Variants in SHLD1 observed in about 807,000 individuals in gnomAD.
SHLD1 encodes the protein RINN1-REV7-interacting novel NHEJ regulator 3.
SHLD1 carries 3 observed loss-of-function variants against 5.5 expected under a neutral mutation model. The observed-to-expected ratio is 0.54, with a 90% CI of 0.25 to 1.40. The LOEUF is 1.40. Among genes scored for constraint, SHLD1 ranks in the 40% most tolerant of loss-of-function variants. SHLD1 has a pLI of 0.15. For missense variants in SHLD1, 210 were observed against 244.4 expected (o/e 0.86, Z 0.94); for synonymous variants, 92 against 94.3 (o/e 0.98, Z 0.14).
chr20:5,801,976 T>C (rs1383985119), intron 2 of SHLD1, among the ~76,000 whole-genome samples: 1 of 152,216 alleles, frequency 6.6e-6, no homozygotes, highest in Non-Finnish European at 1.5e-5. Context: ...TGGGTACTCA[T>C]TGAATTGAAT....
At chr20:5,752,917 A>G (rs950090841) in intron 1 of SHLD1, among the ~76,000 whole-genome samples, 1 of 152,024 alleles carries the variant, frequency 6.6e-6, no homozygotes. Context: ...GCCTCAGCCT[A>G]CGGCGTAGCT....
chr20:5,801,079 T>A (rs1437269436), intron 2 of SHLD1, among the ~76,000 whole-genome samples: 6 of 147,044 alleles, frequency 4.1e-5, no homozygotes, highest in Non-Finnish European at 8.8e-5. Flanking sequence ...ATCTTTTTTT[T>A]TTTTTTTTTC....
rs149711205 is a variant in SHLD1 at position 5,839,915 on chromosome 20, G to A, written c.179-23109G>A. Among the ~76,000 whole-genome samples, 203 of 152,286 alleles carry A rather than the reference G, an allele frequency of 1.3e-3. 1 individual carries two copies. Among genetic ancestry groups the A allele is most frequent in the African/African-American group, 4.8e-3 (200 of 41,562 alleles). ...GAAGAACCTTTTTCAGGTTGTCCCT[G>A]CGCCCCCACAATACTTGAGAACACT... is the stretch of plus-strand genomic sequence containing the variant. On this transcript the variant is annotated intron_variant, in intron 2 of 2. Coordinates refer to ENST00000303142, the MANE Select transcript of SHLD1 (RefSeq NM_152504.4).
At chr20:5,756,630 T>G (rs1165316457) in intron 1 of SHLD1, 1 of 168,682 alleles carries the variant, frequency 5.9e-6, no homozygotes, top group Non-Finnish European at 1.3e-5. Context: ...TTAACTTTAT[T>G]CATTCTATAA....
At chr20:5,807,539 T>G (rs2087396689) in intron 2 of SHLD1, among the ~76,000 whole-genome samples, 2 of 152,052 alleles carry the variant, frequency 1.3e-5, no homozygotes, top group Admixed American at 1.3e-4. Flanking sequence ...CTTGGCTAAG[T>G]TTTTACATTT....
chr20:5,825,206 A>T (rs1393434503), intron 2 of SHLD1, among the ~76,000 whole-genome samples: 1 of 152,230 alleles, frequency 6.6e-6, no homozygotes, highest in East Asian at 1.9e-4. Context: ...AGCTTCAGAA[A>T]TGGACCATTC....
intron 2 of SHLD1, among the ~76,000 whole-genome samples, chr20:5,860,876 TAAA>T (rs10555301): frequency 1.4e-3 from 144 of 100,708 alleles, no homozygotes; most frequent in African/African-American, 5.0e-3. Context: ...TACTATTCTT[TAAA>T]AAAAAAAAAA....
intron 1 of SHLD1, among the ~76,000 whole-genome samples, chr20:5,757,296 C>G (rs940147859): frequency 1.3e-5 from 2 of 151,616 alleles, no homozygotes; most frequent in East Asian, 3.9e-4. Flanking sequence ...AGGCTGGTCT[C>G]GAATTCCTGG....
chr20:5,762,710 C>T (rs1286939170), intron 1 of SHLD1, among the ~76,000 whole-genome samples: 1 of 152,014 alleles, frequency 6.6e-6, no homozygotes, highest in Non-Finnish European at 1.5e-5. Context: ...CGTGGTGGCT[C>T]ACGTCTGTAA....
At chr20:5,762,726 G>A (rs1984534105) in intron 1 of SHLD1, among the ~76,000 whole-genome samples, 1 of 152,044 alleles carries the variant, frequency 6.6e-6, no homozygotes. Flanking sequence ...TGTAATCCCA[G>A]CACTTTGGGA....
At position 5,830,549 on chromosome 20, in the gene SHLD1, G is replaced by T. The variant is rs371365285; in HGVS notation, c.179-32475G>T. On this transcript the variant is annotated intron_variant, in intron 2 of 2. Transcript: ENST00000303142. ...ACTAAAAATACAAAATTAGCCAGGC[G>T]TAGTGGCACATGCCTGTAATCTCAG... Among the ~76,000 whole-genome samples the T allele has an allele frequency of 1.2e-4, 19 of 152,184 alleles. No homozygotes were observed. The East Asian group carries it at 3.7e-3, about 29-fold the overall frequency.
chr20:5,768,059 C>T (rs1390663656), intron 1 of SHLD1, among the ~76,000 whole-genome samples: 2 of 150,444 alleles, frequency 1.3e-5, no homozygotes, highest in East Asian at 3.9e-4. Context: ...ACTGCGACCT[C>T]TGCCTCCCGG....
intron 1 of SHLD1, among the ~76,000 whole-genome samples, chr20:5,753,976 A>G (rs1470087263): frequency 6.6e-6 from 1 of 152,134 alleles, no homozygotes; most frequent in Non-Finnish European, 1.5e-5. Context: ...TTTCCTTGTC[A>G]TGAGACAGTG....
At chr20:5,819,830 A>C (rs569568545) in intron 2 of SHLD1, among the ~76,000 whole-genome samples, 50 of 151,720 alleles carry the variant, frequency 3.3e-4, no homozygotes, top group Middle Eastern at 3.4e-3. Flanking sequence ...TCTTAAAAAC[A>C]ACAACAATAA....
chr20:5,781,082 A>AT (rs2086983807), intron 2 of SHLD1, among the ~76,000 whole-genome samples: 1 of 152,198 alleles, frequency 6.6e-6, no homozygotes, highest in Non-Finnish European at 1.5e-5. Flanking sequence ...ATGTCTAATA[A>AT]AGACACAGTC....
chr20:5,823,131 TC>T (rs1045206175), intron 2 of SHLD1, among the ~76,000 whole-genome samples: 10 of 151,746 alleles, frequency 6.6e-5, no homozygotes, highest in African/African-American at 1.7e-4. Context: ...ACACTGTTGA[TC>T]CCCCCCTTCC....
chr20:5,776,453 C>T (rs1985432415), intron 2 of SHLD1, among the ~76,000 whole-genome samples: 1 of 152,104 alleles, frequency 6.6e-6, no homozygotes. Context: ...CATCATGAGG[C>T]TTCCACCCTC....
intron 2 of SHLD1, among the ~76,000 whole-genome samples, chr20:5,856,802 A>G (rs1600184760): frequency 6.6e-6 from 1 of 152,328 alleles, no homozygotes; most frequent in South Asian, 2.1e-4. Context: ...TTGCAGTTCA[A>G]CTGATAATGC....
rs1017831787 is a variant in SHLD1, at chr20:5,773,220, C to A, written c.178+177C>A. ...GGAGGAACTTCAAAGGACAGCTTAC[C>A]TGGCACAGCAATGACAAGGAGCTGT... On this transcript the variant is annotated intron_variant, in intron 2 of 2. Coordinates refer to ENST00000303142, the MANE Select transcript of SHLD1 (RefSeq NM_152504.4). The A allele has an allele frequency of 6.7e-6, 5 of 749,336 alleles. No individual in the cohort carries two copies. The Admixed American group carries it at 1.0e-4, about 15-fold the overall frequency. The allele number at this position is 749,336 out of a possible 1,614,324, so 46.4% of individuals were successfully genotyped here. A position where few individuals can be genotyped will look rare whatever the true frequency, so the allele number is the denominator to read the frequency against.
Sources: gnomAD v4.1 joint callset for allele counts (sites outside exome capture counted in the v4.1 genomes callset) on GRCh38, gnomAD v4.1.1 for gene constraint, MANE v1.5 for transcripts, NCBI Gene and HGNC (gene_info 2026-07-23, HGNC 2026-07-21) for gene names.